Variants in MAP3K1 observed in about 807,000 individuals in gnomAD.
The protein encoded by MAP3K1 is MAP/ERK kinase kinase 1.
Under a neutral mutation model 144.2 loss-of-function variants are expected in MAP3K1, and 36 were observed. The ratio of observed to expected loss-of-function variants is 0.25; its 90% CI spans 0.19 to 0.33. MAP3K1 has a LOEUF of 0.33. MAP3K1 is among the 10% of genes least tolerant of loss of function. The probability of loss-of-function intolerance (pLI) is 1.00; values close to 1 mark genes in which losing one functional copy is unlikely to be tolerated. For synonymous variants in MAP3K1, 718 were observed against 688.7 expected (o/e 1.04, Z -0.67); for missense variants, 1,650 against 1,881.9 (o/e 0.88, Z 2.28).
In MAP3K1 at chr5:56,844,183, G is replaced by GTTTTTTTTTTTTTTT. The variant is rs770169813; in HGVS notation, c.483-12407_483-12393dup. ...TAGTATTATAGGATTGTTTTTTTTG[G>GTTTTTTTTTTTTTTT]TTTTTTTTTTTTTTTTTTTTTTTTG... On this transcript the variant is annotated intron_variant, in intron 1 of 19. Coordinates refer to ENST00000399503, the MANE Select transcript of MAP3K1 (RefSeq NM_005921.2). Among the ~76,000 whole-genome samples, 32 of 76,102 alleles carry GTTTTTTTTTTTTTTT rather than the reference G, an allele frequency of 4.2e-4. 1 individual carries two copies. The highest frequency in any genetic ancestry group is 7.9e-4 in the Admixed American group (4 of 5,094). 49.9% of individuals were successfully genotyped at this position (76,102 alleles called of 152,430 possible).
At chr5:56,870,078 A>T (rs951632606) in intron 6 of MAP3K1, among the ~76,000 whole-genome samples, 1 of 152,202 alleles carries the variant, frequency 6.6e-6, no homozygotes, top group African/African-American at 2.4e-5. Context: ...TTTTCAGGGA[A>T]AAGTAGTTAC....
chr5:56,867,677 G>A (rs931437545), intron 6 of MAP3K1, among the ~76,000 whole-genome samples: 7 of 152,148 alleles, frequency 4.6e-5, no homozygotes, highest in African/African-American at 1.2e-4. Context: ...CGTATGTAAA[G>A]CCGTATAGCC....
intron 1 of MAP3K1, among the ~76,000 whole-genome samples, chr5:56,838,162 C>T (rs930264844): frequency 6.6e-6 from 1 of 152,094 alleles, no homozygotes; most frequent in Non-Finnish European, 1.5e-5. Context: ...TGAATTGAGT[C>T]AAAGCTGTTG....
chr5:56,827,824 A>G (rs897795808), intron 1 of MAP3K1, among the ~76,000 whole-genome samples: 1 of 151,844 alleles, frequency 6.6e-6, no homozygotes, highest in Non-Finnish European at 1.5e-5. Flanking sequence ...AGATCGCGCC[A>G]CTGCTCTCCA....
intron 11 of MAP3K1, among the ~76,000 whole-genome samples, chr5:56,880,199 T>C (rs908324115): frequency 1.3e-5 from 2 of 152,244 alleles, no homozygotes; most frequent in African/African-American, 2.4e-5. Context: ...GTATTTGTTA[T>C]GCTGCTCACT....
intron 6 of MAP3K1, among the ~76,000 whole-genome samples, chr5:56,867,761 A>G (rs906470507): frequency 6.6e-6 from 1 of 152,186 alleles, no homozygotes; most frequent in African/African-American, 2.4e-5. Context: ...TTCTTAAGTA[A>G]AAGTTTAATC....
intron 14 of MAP3K1, 74 bp downstream of exon 14, chr5:56,882,940 G>A (rs1427489957): frequency 6.6e-6 from 8 of 1,217,108 alleles, no homozygotes; most frequent in South Asian, 1.3e-5. Flanking sequence ...TGGAATTCCA[G>A]CACTTGGGGA....
At chr5:56,843,964 G>T (rs575767809) in intron 1 of MAP3K1, among the ~76,000 whole-genome samples, 2 of 152,184 alleles carry the variant, frequency 1.3e-5, no homozygotes, top group East Asian at 3.9e-4. Flanking sequence ...GGAACACTGC[G>T]CTATCAAAGA....
At chr5:56,868,294 A>T (rs948704436) in intron 6 of MAP3K1, among the ~76,000 whole-genome samples, 4 of 152,072 alleles carry the variant, frequency 2.6e-5, no homozygotes, top group African/African-American at 9.7e-5. Context: ...CCTGCTCTAT[A>T]CTTGTAATTT....
At chr5:56,859,983 A>T (rs1296716627) in intron 3 of MAP3K1, 68 bp downstream of exon 3, 3 of 1,303,508 alleles carry the variant, frequency 2.3e-6, no homozygotes, top group South Asian at 1.3e-5. Flanking sequence ...CAAAGAAAAG[A>T]CTGGCCAGCC....
At chr5:56,817,468 G>A (rs1746013688) in intron 1 of MAP3K1, among the ~76,000 whole-genome samples, 2 of 152,158 alleles carry the variant, frequency 1.3e-5, no homozygotes, top group Non-Finnish European at 2.9e-5. Context: ...GATCCATTTA[G>A]TATTTGGAAG....
chr5:56,843,340 C>T (rs1412801565), intron 1 of MAP3K1, among the ~76,000 whole-genome samples: 2 of 152,202 alleles, frequency 1.3e-5, no homozygotes, highest in African/African-American at 2.4e-5. Context: ...CTCGGACCTG[C>T]TTCACCCACC....
chr5:56,865,954 T>C lies in MAP3K1; in HGVS notation c.1278T>C (p.Thr426=), dbSNP rs1359035928. ...CTCATACATTGTCATCATCTAGTAC[T>C]TCTACGTCTAGTTCAGAAAACAGGT... The part of the protein sequence containing the change: ...SNSHTLSSSS[T]STSSSENSIK... The change falls in exon 6 of 20, where the codon ACT becomes ACC. Residue 426 remains threonine (T), a synonymous_variant. Coordinates refer to ENST00000399503, the MANE Select transcript of MAP3K1 (RefSeq NM_005921.2). 3.1e-6 allele frequency: 5 copies of C among 1,611,522 alleles called. No homozygotes were observed. The highest frequency in any genetic ancestry group is 2.2e-5 in the South Asian group (2 of 91,026).
chr5:56,887,479 C>G lies in MAP3K1; in HGVS notation c.4216C>G (p.Gln1406Glu), dbSNP rs2111962315. ...ASKGTGAGEF[Q>E]GQLLGTIAFM... is the part of the protein sequence containing the mutation. ...AAAAGGAACTGGTGCAGGAGAGTTT[C>G]AGGGACAATTACTGGGGACAATTGC... Residue 1406 changes from glutamine to glutamate, a missense_variant, in exon 18 of 20, where the codon CAG becomes GAG. Physicochemically the swap from Gln to Glu is conservative, Grantham distance 29. Around this residue, in one of 6 missense-constraint regions of MAP3K1, gnomAD observed 165 missense variants for 322.9 expected, o/e 0.51. Coordinates refer to ENST00000399503, the MANE Select transcript of MAP3K1 (RefSeq NM_005921.2). The G allele has an allele frequency of 1.2e-6, 2 of 1,614,136 alleles. No individual in the cohort carries two copies. The highest frequency in any genetic ancestry group is 1.1e-5 in the South Asian group (1 of 91,088).
intron 1 of MAP3K1, among the ~76,000 whole-genome samples, chr5:56,822,667 G>A (rs1746188306): frequency 6.6e-6 from 1 of 151,998 alleles, no homozygotes; most frequent in African/African-American, 2.4e-5. Flanking sequence ...TCTTATTAAT[G>A]CCCTTAGATC....
Position 56,895,236 on chromosome 5 carries a change from T to C in MAP3K1, c.*1556T>C, listed in dbSNP as rs778723472. 5 of 232,188 alleles carry C rather than the reference T, an allele frequency of 2.2e-5. No individual in the cohort carries two copies. The highest frequency in any genetic ancestry group is 4.3e-5 in the Non-Finnish European group (5 of 117,470). The allele number at this position is 232,188 out of a possible 1,614,324, so 14.4% of individuals were successfully genotyped here. A position where few individuals can be genotyped will look rare whatever the true frequency, so the allele number is the denominator to read the frequency against. On this transcript the variant is annotated 3_prime_UTR_variant, in exon 20 of 20. Coordinates refer to ENST00000399503, the MANE Select transcript of MAP3K1 (RefSeq NM_005921.2). The stretch of plus-strand genomic sequence containing the variant: ...AAAGGCAGTTTGTTTTTTATGTGAA[T>C]ATGTTTCTTAGTGAAATTTTACATT...
At chr5:56,879,149 G>C in intron 11 of MAP3K1, 48 bp downstream of exon 11, 1 of 1,611,720 alleles carries the variant, frequency 6.2e-7, no homozygotes, top group Non-Finnish European at 8.5e-7. Context: ...TCTTAAAAGT[G>C]CCTCGCAGCA....
At chr5:56,830,981 A>C (rs1053994339) in intron 1 of MAP3K1, among the ~76,000 whole-genome samples, 14 of 152,078 alleles carry the variant, frequency 9.2e-5, no homozygotes, top group Admixed American at 3.3e-4. Context: ...ACAGCACGTA[A>C]ATGTTTTGTA....
At chr5:56,865,048 G>A in intron 4 of MAP3K1, 114 bp downstream of exon 4, 1 of 1,027,516 alleles carries the variant, frequency 9.7e-7, no homozygotes, top group Admixed American at 2.2e-5. Flanking sequence ...AGTAAACAAA[G>A]TTAAACTTAA....
Sources: gnomAD v4.1 joint callset for allele counts (sites outside exome capture counted in the v4.1 genomes callset) on GRCh38, gnomAD v4.1.1 for gene constraint, gnomAD v4.1.1 regional missense constraint, MANE v1.5 for transcripts, NCBI Gene and HGNC (gene_info 2026-07-23, HGNC 2026-07-21) for gene names.